DOCK11: variants seen among roughly 807,000 people sequenced by gnomAD.
The protein encoded by DOCK11 is dedicator of cytokinesis 11, also known as dedicator of cytokinesis protein 11.
DOCK11 carries 70 observed loss-of-function variants against 169.1 expected under a neutral mutation model. The ratio of observed to expected loss-of-function variants is 0.41; its 90% CI spans 0.34 to 0.51. DOCK11 has a LOEUF of 0.51. Among genes scored for constraint, DOCK11 ranks in the 20% least tolerant of loss-of-function variants. The pLI, the probability that DOCK11 is intolerant of heterozygous loss-of-function variation, is 0.10. For synonymous variants in DOCK11, 529 were observed against 541.3 expected (o/e 0.98, Z 0.32); for missense variants, 1,166 against 1,538.8 (o/e 0.76, Z 4.05).
intron 34 of DOCK11, 72 bp downstream of exon 34, chrX:118,628,344 T>C: frequency 1.4e-6 from 1 of 695,225 alleles, no homozygotes; most frequent in East Asian, 3.3e-5. Flanking sequence ...AGTATAAATA[T>C]GAGCATCTGT....
intron 1 of DOCK11, among the ~76,000 whole-genome samples, chrX:118,502,735 A>G (rs1459824297): frequency 1.8e-5 from 2 of 109,197 alleles, no homozygotes; most frequent in Non-Finnish European, 3.8e-5. Context: ...AGTGATTCAT[A>G]AAGGTTAAAA....
chrX:118,675,727 T>A, intron 46 of DOCK11, among the ~76,000 whole-genome samples: 1 of 109,067 alleles, frequency 9.2e-6, no homozygotes, highest in South Asian at 4.0e-4. Context: ...TAAAAAGAAA[T>A]ACAGTGTTAT....
At chrX:118,564,214 C>T (rs2013002949) in intron 7 of DOCK11, among the ~76,000 whole-genome samples, 1 of 112,512 alleles carries the variant, frequency 8.9e-6, no homozygotes, top group South Asian at 3.7e-4. Flanking sequence ...CGTGAGCCGC[C>T]ATGCTCAGGC....
At chrX:118,553,868 A>C (rs2147363056) in intron 6 of DOCK11, among the ~76,000 whole-genome samples, 1 of 112,546 alleles carries the variant, frequency 8.9e-6, no homozygotes, top group South Asian at 3.6e-4. Flanking sequence ...ATTATGCATA[A>C]GATTTTTTCA....
chrX:118,630,334 G>A, intron 34 of DOCK11, 45 bp from the exon 35 acceptor site: 2 of 855,444 alleles, frequency 2.3e-6, no homozygotes, highest in Non-Finnish European at 3.4e-6. Context: ...TAAAGGCTGT[G>A]GAAAATTGTA....
chrX:118,542,849 C>T lies in DOCK11; in HGVS notation c.219+8C>T. 2 of 1,196,029 alleles carry T rather than the reference C, an allele frequency of 1.7e-6. No homozygotes were observed. Among genetic ancestry groups the T allele is most frequent in the Non-Finnish European group, 2.3e-6 (2 of 882,513 alleles). ...CCAATGGAAGATATATCTGTGAGTT[C>T]ACAAACACTTCTTTAAAGAAAAAAA... On this transcript the variant is annotated splice_region_variant and intron_variant, in intron 2 of 52. Coordinates refer to ENST00000276202, the MANE Select transcript of DOCK11 (RefSeq NM_144658.4).
chrX:118,525,013 C>T (rs1271970310), intron 1 of DOCK11, among the ~76,000 whole-genome samples: 1 of 110,359 alleles, frequency 9.1e-6, no homozygotes, highest in Non-Finnish European at 1.9e-5. Flanking sequence ...GGCGTGGTGG[C>T]GTGTGCCTGT....
intron 30 of DOCK11, 67 bp downstream of exon 30, chrX:118,615,778 A>G: frequency 9.4e-6 from 8 of 853,141 alleles, no homozygotes; most frequent in South Asian, 4.6e-5. Context: ...CTAGTGTAGT[A>G]TAATGTTTTC....
intron 1 of DOCK11, among the ~76,000 whole-genome samples, chrX:118,521,890 A>G (rs1347509288): frequency 1.8e-5 from 2 of 112,250 alleles, no homozygotes; most frequent in African/African-American, 6.5e-5. Flanking sequence ...AAACATTTCT[A>G]AAACTTGAAA....
intron 6 of DOCK11, among the ~76,000 whole-genome samples, chrX:118,554,696 C>T (rs1181321256): frequency 9.0e-6 from 1 of 111,545 alleles, no homozygotes; most frequent in Non-Finnish European, 1.9e-5. Flanking sequence ...TTGAAGAAGG[C>T]GGGGCCTCGA....
At chrX:118,608,724 G>A (rs2014603311) in intron 26 of DOCK11, among the ~76,000 whole-genome samples, 1 of 111,500 alleles carries the variant, frequency 9.0e-6, no homozygotes, top group Non-Finnish European at 1.9e-5. Flanking sequence ...CACATTGTAG[G>A]CACTCAAGAA....
At position 118,599,171 on chromosome X, in the gene DOCK11, C is replaced by T. The variant is rs1216523170; in HGVS notation, c.2505C>T (p.Cys835=). The T allele has an allele frequency of 8.3e-7, 1 of 1,210,670 alleles. No individual in the cohort carries two copies. Among genetic ancestry groups the T allele is most frequent in the Non-Finnish European group, 1.1e-6 (1 of 894,773 alleles). The change falls in exon 23 of 53, where the codon TGC becomes TGT. Residue 835 remains cysteine, a synonymous_variant. Transcript: ENST00000276202. ...ATGTGCACAAATTCTTCCATCATTG[C>T]CAGCTGATTCAGTCAGGCTCGAAAG... ...DLHVHKFFHH[C]QLIQSGSKEV...
Position 118,676,826 on chromosome X carries a change from A to C in DOCK11, c.5460+89A>C. On this transcript the variant is annotated intron_variant, in intron 48 of 52. Transcript: ENST00000276202. ...GACTTTTTCCTTTTTTAACTGGTAG[A>C]GAAGCATGAAAACAGAGCTTTCCAG... is the stretch of plus-strand genomic sequence containing the variant. 3.5e-6 allele frequency: 3 copies of C among 865,208 alleles called. No individual in the cohort carries two copies. The East Asian group carries it at 1.0e-4, about 29-fold the overall frequency. The allele number at this position is 865,208 out of a possible 1,213,427, so 71.3% of individuals were successfully genotyped here. A position where few individuals can be genotyped will look rare whatever the true frequency, so the allele number is the denominator to read the frequency against.
intron 46 of DOCK11, among the ~76,000 whole-genome samples, chrX:118,671,746 C>G (rs145228485): frequency 3.6e-5 from 4 of 111,710 alleles, no homozygotes; most frequent in African/African-American, 9.7e-5. Flanking sequence ...GTGGCGCAAT[C>G]TTGGCTCACT....
In DOCK11 at chrX:118,647,888, T is replaced by C. The variant is rs1386246300; in HGVS notation, c.4399-1057T>C. Among the ~76,000 whole-genome samples the C allele has an allele frequency of 9.4e-3, 501 of 53,176 alleles. 1 individual carries two copies. The highest frequency in any genetic ancestry group is 0.013 in the Non-Finnish European group (453 of 33,579). The allele number at this position is 53,176 out of a possible 115,157, so 46.2% of individuals were successfully genotyped here. A position where few individuals can be genotyped will look rare whatever the true frequency, so the allele number is the denominator to read the frequency against. ...ATAACATGTAATATATAATATTTAA[T>C]AATATATCATGTATTATATATTATA... On this transcript the variant is annotated intron_variant, in intron 40 of 52. Transcript: ENST00000276202.
intron 18 of DOCK11, among the ~76,000 whole-genome samples, chrX:118,589,563 G>GA (rs1472739526): frequency 1.8e-5 from 2 of 111,496 alleles, no homozygotes; most frequent in Admixed American, 9.5e-5. Flanking sequence ...CTATAGAAGT[G>GA]AAAAAATCCC....
rs150373285 is a variant in DOCK11 at position 118,635,330 on chromosome X, A to G, written c.3887-1016A>G. Among the ~76,000 whole-genome samples, 478 of 111,994 alleles carry G rather than the reference A, an allele frequency of 4.3e-3. 12 individuals carry two copies. The highest frequency in any genetic ancestry group is 0.033 in the South Asian group (90 of 2,712). The stretch of plus-strand genomic sequence containing the variant: ...AGGGTCTGCTGACACCATTAGCTCC[A>G]TCAAAGTAGGATAAAAAAGGAGTGG... On this transcript the variant is annotated intron_variant, in intron 35 of 52. Transcript: ENST00000276202.
At chrX:118,560,036 C>T (rs2012852149) in intron 6 of DOCK11, among the ~76,000 whole-genome samples, 1 of 110,146 alleles carries the variant, frequency 9.1e-6, no homozygotes, top group South Asian at 3.9e-4. Context: ...CCCACATGGC[C>T]CCTTCCCGAG....
At chrX:118,520,112 TGTCAGAAGACACTGGGAAATGGACTTAAG>T (rs1310756618) in intron 1 of DOCK11, among the ~76,000 whole-genome samples, 7 of 112,230 alleles carry the variant, frequency 6.2e-5, no homozygotes, top group Non-Finnish European at 9.4e-5. Context: ...GAAATCCAAG[TGTCAGAAGACACTGGGAAATGGACTTAAG>T]TTACACTTCT....
Sources: allele counts gnomAD v4.1 joint callset (sites outside exome capture counted in the v4.1 genomes callset), GRCh38; gene constraint gnomAD v4.1.1; transcripts MANE v1.5; gene names NCBI Gene and HGNC (gene_info 2026-07-23, HGNC 2026-07-21).